The following MAP2 variants were observed in gnomAD, a reference collection of about 807,000 sequenced individuals.
MAP2 encodes microtubule-associated protein 2.
A neutral mutation model predicts 137.6 loss-of-function variants in MAP2; 14 were observed. That is an observed-to-expected ratio of 0.10 (90% CI 0.07 to 0.16). The LOEUF is 0.16. Among genes scored for constraint, MAP2 ranks in the 10% least tolerant of loss-of-function variants. The probability of loss-of-function intolerance (pLI) is 1.00; values close to 1 mark genes in which losing one functional copy is unlikely to be tolerated. For synonymous variants in MAP2, 786 were observed against 782.3 expected (o/e 1.00, Z -0.08); for missense variants, 2,088 against 2,191.5 (o/e 0.95, Z 0.94).
intron 2 of MAP2, among the ~76,000 whole-genome samples, chr2:209,561,508 C>G (rs987873081): frequency 6.6e-6 from 1 of 152,188 alleles, no homozygotes; most frequent in Admixed American, 6.5e-5. Context: ...CTCTCTGAGT[C>G]TCGACCTGCT....
intron 3 of MAP2, among the ~76,000 whole-genome samples, chr2:209,614,315 T>A (rs940023452): frequency 6.6e-6 from 1 of 152,140 alleles, no homozygotes; most frequent in Non-Finnish European, 1.5e-5. Flanking sequence ...GAGGAAAACA[T>A]CTTAAAAGAA....
intron 12 of MAP2, among the ~76,000 whole-genome samples, chr2:209,707,350 C>G (rs982016748): frequency 2.9e-4 from 44 of 152,072 alleles, no homozygotes; most frequent in African/African-American, 9.9e-4. Context: ...AATTTTAAAA[C>G]ATAGGATCTG....
At chr2:209,723,753 T>C in intron 13 of MAP2, 1 of 1,076,684 alleles carries the variant, frequency 9.3e-7, no homozygotes, top group African/African-American at 1.6e-5. Context: ...GCCAGCACCC[T>C]GCCTTCTTTC....
intron 3 of MAP2, among the ~76,000 whole-genome samples, chr2:209,619,228 T>C (rs2090432579): frequency 6.6e-6 from 1 of 152,124 alleles, no homozygotes; most frequent in African/African-American, 2.4e-5. Context: ...GTGACTGTAG[T>C]TAATAACAAT....
At chr2:209,467,120 C>G (rs1205648083) in intron 1 of MAP2, among the ~76,000 whole-genome samples, 1 of 152,232 alleles carries the variant, frequency 6.6e-6, no homozygotes, top group African/African-American at 2.4e-5. Context: ...AAAGCTTTCT[C>G]TCACCCCCAC....
chr2:209,656,035 C>T (rs2095121308), intron 5 of MAP2, among the ~76,000 whole-genome samples: 1 of 152,094 alleles, frequency 6.6e-6, no homozygotes, highest in South Asian at 2.1e-4. Context: ...TCCCCCTTTT[C>T]TCCTTCATTA....
intron 11 of MAP2, chr2:209,704,112 A>T: frequency 2.2e-6 from 1 of 450,860 alleles, no homozygotes; most frequent in Non-Finnish European, 4.4e-6. Context: ...GAAGTTTTTC[A>T]ATCCTTCCCC....
At position 209,489,125 on chromosome 2, in the gene MAP2, C is replaced by T. The variant is rs189446595; in HGVS notation, c.-221-18467C>T. ...GCAATCTTTACTGTCCTGCAACCTT[C>T]GCTGATGATACCCAGGCAAAGAGGG... On this transcript the variant is annotated intron_variant, in intron 1 of 15. Transcript: ENST00000682079. Among the ~76,000 whole-genome samples, 161 of 152,284 alleles carry T rather than the reference C, an allele frequency of 1.1e-3. 1 individual carries two copies. Among genetic ancestry groups the T allele is most frequent in the African/African-American group, 2.9e-3 (122 of 41,556 alleles).
intron 2 of MAP2, among the ~76,000 whole-genome samples, chr2:209,567,631 A>G (rs2073719316): frequency 6.6e-6 from 1 of 152,092 alleles, no homozygotes; most frequent in Non-Finnish European, 1.5e-5. Context: ...AATATTAAAT[A>G]AAACACTGAC....
At chr2:209,425,182 C>T (rs1384363215) in intron 1 of MAP2, among the ~76,000 whole-genome samples, 1 of 152,104 alleles carries the variant, frequency 6.6e-6, no homozygotes, top group Non-Finnish European at 1.5e-5. Flanking sequence ...GCCTGGCATC[C>T]GGACTTCAGG....
At chr2:209,432,226 G>A (rs1694482923) in intron 1 of MAP2, among the ~76,000 whole-genome samples, 1 of 152,122 alleles carries the variant, frequency 6.6e-6, no homozygotes, top group South Asian at 2.1e-4. Context: ...CTAAGAAGAA[G>A]TAAGCTAGAA....
At chr2:209,442,639 T>G (rs910024207) in intron 1 of MAP2, among the ~76,000 whole-genome samples, 3 of 151,690 alleles carry the variant, frequency 2.0e-5, no homozygotes, top group South Asian at 2.1e-4. Flanking sequence ...TTCTGACTAC[T>G]TCCTAATCTG....
chr2:209,583,612 C>T (rs2077023272), intron 3 of MAP2, among the ~76,000 whole-genome samples: 1 of 151,942 alleles, frequency 6.6e-6, no homozygotes. Flanking sequence ...TTGGAAAAAT[C>T]ACTGAAGATA....
At chr2:209,541,607 A>G (rs937125670) in intron 2 of MAP2, among the ~76,000 whole-genome samples, 2 of 152,120 alleles carry the variant, frequency 1.3e-5, no homozygotes, top group Non-Finnish European at 2.9e-5. Flanking sequence ...TGGCTCATCA[A>G]CTTAGTTTAT....
intron 1 of MAP2, among the ~76,000 whole-genome samples, chr2:209,483,241 G>C (rs1157625798): frequency 6.6e-6 from 1 of 152,102 alleles, no homozygotes; most frequent in Non-Finnish European, 1.5e-5. Context: ...AAGACAATTT[G>C]TGAATACAGA....
chr2:209,706,121 C>G (rs1348137213), intron 12 of MAP2, among the ~76,000 whole-genome samples: 1 of 152,062 alleles, frequency 6.6e-6, no homozygotes, highest in Non-Finnish European at 1.5e-5. Context: ...TAAAATCTAA[C>G]TAGAAAGTCG....
At chr2:209,687,457 C>T (rs751771937) in intron 7 of MAP2, among the ~76,000 whole-genome samples, 2 of 151,904 alleles carry the variant, frequency 1.3e-5, no homozygotes, top group Non-Finnish European at 2.9e-5. Context: ...TTTATTTTGC[C>T]GCAGGGCTGT....
intron 11 of MAP2, among the ~76,000 whole-genome samples, chr2:209,702,794 G>C (rs2062150169): frequency 6.6e-6 from 1 of 151,778 alleles, no homozygotes; most frequent in Admixed American, 6.6e-5. Flanking sequence ...CAAGATACTG[G>C]GTCTATAAAA....
At chr2:209,689,043 A>G (rs1053193871) in intron 7 of MAP2, among the ~76,000 whole-genome samples, 7 of 152,180 alleles carry the variant, frequency 4.6e-5, no homozygotes, top group African/African-American at 1.4e-4. Context: ...ATTTATACTA[A>G]ATGAGAAAAT....
Sources: allele counts gnomAD v4.1 joint callset (sites outside exome capture counted in the v4.1 genomes callset), GRCh38; gene constraint gnomAD v4.1.1; transcripts MANE v1.5; gene names NCBI Gene and HGNC (gene_info 2026-07-23, HGNC 2026-07-21).